Variants in ALCAM observed in about 807,000 individuals in gnomAD.
ALCAM encodes activated leukocyte cell adhesion molecule, also known as CD166 antigen.
ALCAM carries 30 observed loss-of-function variants against 70.9 expected under a neutral mutation model. The observed-to-expected ratio is 0.42, with a 90% CI of 0.32 to 0.57. The LOEUF is 0.57. ALCAM is among the 20% of genes least tolerant of loss of function. ALCAM has a pLI of 0.11. For synonymous variants in ALCAM, 249 were observed against 242.5 expected (o/e 1.03, Z -0.25); for missense variants, 591 against 695.1 (o/e 0.85, Z 1.68).
Position 105,567,700 on chromosome 3 carries a change from C to A in ALCAM, c.1665-4152C>A, listed in dbSNP as rs575635020. 5.9e-5 allele frequency among the ~76,000 whole-genome samples: 9 copies of A among 152,262 alleles called. No homozygotes were observed. In the South Asian group the frequency reaches 1.9e-3, roughly 32 times the overall value. On this transcript the variant is annotated intron_variant, in intron 14 of 15. Coordinates refer to ENST00000306107, the MANE Select transcript of ALCAM (RefSeq NM_001627.4). Reference sequence around the variant, plus strand: ...CATTGTTACCAAATTTTCCTTTAAGCCATTAAGTGAGTATTATATAATTGA... The same window carrying A: ...CATTGTTACCAAATTTTCCTTTAAGACATTAAGTGAGTATTATATAATTGA...
At chr3:105,419,025 T>C (rs1468496053) in intron 1 of ALCAM, among the ~76,000 whole-genome samples, 1 of 151,796 alleles carries the variant, frequency 6.6e-6, no homozygotes, top group Non-Finnish European at 1.5e-5. Flanking sequence ...ATCATTTTCC[T>C]TTGCCTCCAG....
At chr3:105,388,500 C>G (rs529173858) in intron 1 of ALCAM, among the ~76,000 whole-genome samples, 28 of 151,646 alleles carry the variant, frequency 1.8e-4, no homozygotes, top group South Asian at 2.1e-4. Context: ...AGATGTTCTG[C>G]TGTCTCTTTA....
At chr3:105,505,065 A>G (rs529055041) in intron 1 of ALCAM, among the ~76,000 whole-genome samples, 1 of 152,354 alleles carries the variant, frequency 6.6e-6, no homozygotes, top group East Asian at 1.9e-4. Flanking sequence ...CTGAGGCCAG[A>G]AACAATGCCT....
At chr3:105,551,242 T>C (rs912299019) in intron 12 of ALCAM, among the ~76,000 whole-genome samples, 8 of 151,694 alleles carry the variant, frequency 5.3e-5, no homozygotes, top group Non-Finnish European at 1.0e-4. Flanking sequence ...ATAGAAGCAT[T>C]GACTTCTCAG....
At chr3:105,529,215 A>T (rs574264860) in intron 3 of ALCAM, among the ~76,000 whole-genome samples, 2 of 152,368 alleles carry the variant, frequency 1.3e-5, no homozygotes, top group South Asian at 2.1e-4. Flanking sequence ...CAGTTGAATG[A>T]TTTAGAGAAA....
intron 1 of ALCAM, among the ~76,000 whole-genome samples, chr3:105,390,150 G>A (rs2107351434): frequency 6.6e-6 from 1 of 152,138 alleles, no homozygotes; most frequent in South Asian, 2.1e-4. Flanking sequence ...CTAGGTCTGA[G>A]AGGAATCACC....
At chr3:105,427,612 C>T (rs1936822461) in intron 1 of ALCAM, among the ~76,000 whole-genome samples, 1 of 151,832 alleles carries the variant, frequency 6.6e-6, no homozygotes, top group South Asian at 2.1e-4. Flanking sequence ...TGACACCTTG[C>T]CTAGGACAAG....
intron 1 of ALCAM, among the ~76,000 whole-genome samples, chr3:105,500,995 C>A (rs1938903281): frequency 6.6e-6 from 1 of 152,210 alleles, no homozygotes; most frequent in Non-Finnish European, 1.5e-5. Context: ...CCTTGGGCCC[C>A]TCTCACAGAG....
chr3:105,525,649 AT>A (rs1157687947), intron 3 of ALCAM, among the ~76,000 whole-genome samples: 1 of 152,180 alleles, frequency 6.6e-6, no homozygotes, highest in Non-Finnish European at 1.5e-5. Flanking sequence ...GTAATAGCCT[AT>A]GCAACTAAGT....
intron 3 of ALCAM, among the ~76,000 whole-genome samples, chr3:105,527,770 A>G (rs1277170678): frequency 6.6e-6 from 1 of 152,032 alleles, no homozygotes; most frequent in Non-Finnish European, 1.5e-5. Flanking sequence ...GGCCATGTTT[A>G]GTGGCTTCAC....
intron 1 of ALCAM, among the ~76,000 whole-genome samples, chr3:105,403,095 C>G (rs13092905): frequency 6.6e-6 from 1 of 151,800 alleles, no homozygotes; most frequent in Non-Finnish European, 1.5e-5. Context: ...TGCAGATGCC[C>G]GCCACCACGC....
intron 1 of ALCAM, among the ~76,000 whole-genome samples, chr3:105,518,920 A>G (rs1939455867): frequency 6.6e-6 from 1 of 152,114 alleles, no homozygotes; most frequent in Admixed American, 6.5e-5. Flanking sequence ...TGATTGATAG[A>G]TAACAGTCGA....
intron 1 of ALCAM, among the ~76,000 whole-genome samples, chr3:105,418,307 A>G (rs1253725323): frequency 1.3e-5 from 2 of 151,836 alleles, no homozygotes; most frequent in African/African-American, 4.8e-5. Context: ...TTTAAATTAG[A>G]TTTCAGTTTT....
intron 1 of ALCAM, among the ~76,000 whole-genome samples, chr3:105,484,923 T>C (rs1398242411): frequency 1.3e-5 from 2 of 152,000 alleles, no homozygotes; most frequent in Admixed American, 6.6e-5. Context: ...ATAGACAAAA[T>C]TAAAGTCTGG....
At chr3:105,497,624 C>T (rs1362903047) in intron 1 of ALCAM, among the ~76,000 whole-genome samples, 2 of 152,126 alleles carry the variant, frequency 1.3e-5, no homozygotes, top group Non-Finnish European at 1.5e-5. Flanking sequence ...GTCCTGCTGT[C>T]ATGGTAAGTG....
chr3:105,545,031 A>C, intron 8 of ALCAM, 192 bp from the exon 9 acceptor site: 1 of 525,402 alleles, frequency 1.9e-6, no homozygotes, highest in South Asian at 1.9e-5. Context: ...TCTTGTCTAA[A>C]CTAGTCTCAA....
chr3:105,563,625 T>C (rs1208513045), intron 14 of ALCAM, among the ~76,000 whole-genome samples: 1 of 150,326 alleles, frequency 6.7e-6, no homozygotes, highest in South Asian at 2.1e-4. Flanking sequence ...GGTTTCTTCC[T>C]TGAAGTCAAG....
At chr3:105,554,899 A>G in intron 14 of ALCAM, among the ~76,000 whole-genome samples, 1 of 151,882 alleles carries the variant, frequency 6.6e-6, no homozygotes. Flanking sequence ...ACTTCTTAAA[A>G]CAATGAAAAT....
At chr3:105,374,333 A>G (rs1242070208) in intron 1 of ALCAM, among the ~76,000 whole-genome samples, 1 of 152,008 alleles carries the variant, frequency 6.6e-6, no homozygotes, top group Non-Finnish European at 1.5e-5. Context: ...AGGCGGGCGG[A>G]TCACCTGAGG....
Sources: allele counts gnomAD v4.1 joint callset (sites outside exome capture counted in the v4.1 genomes callset), GRCh38; gene constraint gnomAD v4.1.1; transcripts MANE v1.5; gene names NCBI Gene and HGNC (gene_info 2026-07-23, HGNC 2026-07-21).